Variants in ARHGAP15 observed in about 807,000 individuals in gnomAD.
ARHGAP15 encodes Rho GTPase activating protein 15.
A neutral mutation model predicts 63.7 loss-of-function variants in ARHGAP15; 51 were observed. The observed-to-expected ratio is 0.80, with a 90% confidence interval of 0.64 to 1.01. ARHGAP15 has a LOEUF of 1.01. Among genes scored for constraint, ARHGAP15 ranks in the 50% least tolerant of loss-of-function variants. The pLI is 0.00. For missense variants in ARHGAP15, 560 were observed against 564.6 expected (o/e 0.99, Z 0.08); for synonymous variants, 191 against 193.8 (o/e 0.99, Z 0.12).
chr2:143,680,795 C>A (rs1443312630), intron 12 of ARHGAP15, among the ~76,000 whole-genome samples: 1 of 152,146 alleles, frequency 6.6e-6, no homozygotes, highest in Non-Finnish European at 1.5e-5. Flanking sequence ...ACATAAAAAG[C>A]AACAAAACAG....
Position 143,388,781 on chromosome 2 carries a change from C to T in ARHGAP15, c.475-46820C>T, listed in dbSNP as rs531167887. Reference sequence around the variant, plus strand: ...ATTCCATTAATTTGTAATTTAATTGCGTGTCCAATGTACAGCAGTAACAAT... The same window carrying T: ...ATTCCATTAATTTGTAATTTAATTGTGTGTCCAATGTACAGCAGTAACAAT... On this transcript the variant is annotated intron_variant, in intron 6 of 13. Coordinates refer to ENST00000295095, the MANE Select transcript of ARHGAP15 (RefSeq NM_018460.4). 9.9e-5 allele frequency among the ~76,000 whole-genome samples: 15 copies of T among 152,038 alleles called. No homozygotes were observed. The South Asian group carries it at 1.7e-3, about 17-fold the overall frequency.
At chr2:143,666,008 G>T (rs1480782128) in intron 12 of ARHGAP15, among the ~76,000 whole-genome samples, 1 of 150,718 alleles carries the variant, frequency 6.6e-6, no homozygotes, top group Admixed American at 6.6e-5. Context: ...GTAATTTACA[G>T]ATTCAATGCC....
At chr2:143,468,950 G>A (rs962241889) in intron 8 of ARHGAP15, among the ~76,000 whole-genome samples, 1 of 152,172 alleles carries the variant, frequency 6.6e-6, no homozygotes, top group African/African-American at 2.4e-5. Flanking sequence ...ATGATTTGGA[G>A]AATGCACTGT....
chr2:143,464,491 CATAA>C (rs917131822), intron 8 of ARHGAP15, among the ~76,000 whole-genome samples: 15 of 152,090 alleles, frequency 9.9e-5, no homozygotes, highest in African/African-American at 3.4e-4. Context: ...CCTTAAAAAG[CATAA>C]ATAAATAAAT....
chr2:143,408,968 C>CT (rs1354514507), intron 6 of ARHGAP15, among the ~76,000 whole-genome samples: 1 of 151,746 alleles, frequency 6.6e-6, no homozygotes, highest in African/African-American at 2.4e-5. Context: ...TCCTTTAAAG[C>CT]TTGGATTGAA....
chr2:143,263,892 C>T (rs193238217), intron 6 of ARHGAP15, among the ~76,000 whole-genome samples: 5 of 124,926 alleles, frequency 4.0e-5, no homozygotes, highest in East Asian at 2.8e-4. Context: ...GGTGGGTCTA[C>T]GGTGAAGCTG....
intron 11 of ARHGAP15, among the ~76,000 whole-genome samples, chr2:143,567,365 C>G (rs1696271501): frequency 6.6e-6 from 1 of 152,166 alleles, no homozygotes; most frequent in African/African-American, 2.4e-5. Context: ...AAAGGATAGG[C>G]TCTGATTGAA....
At chr2:143,610,868 ACAGG>A (rs1302771411) in intron 11 of ARHGAP15, among the ~76,000 whole-genome samples, 1 of 152,006 alleles carries the variant, frequency 6.6e-6, no homozygotes, top group Non-Finnish European at 1.5e-5. Context: ...AGCTGGGACT[ACAGG>A]CACGCACCAT....
At chr2:143,275,400 G>A (rs925464529) in intron 6 of ARHGAP15, among the ~76,000 whole-genome samples, 6 of 152,168 alleles carry the variant, frequency 3.9e-5, no homozygotes, top group East Asian at 1.9e-4. Flanking sequence ...AACGTGTTAC[G>A]TTGCTGTCTC....
intron 6 of ARHGAP15, among the ~76,000 whole-genome samples, chr2:143,309,301 C>T (rs1178493866): frequency 1.3e-5 from 2 of 152,012 alleles, no homozygotes; most frequent in South Asian, 4.1e-4. Flanking sequence ...ATACAGATAC[C>T]ATTTGCAGCT....
chr2:143,608,726 A>G (rs1698138630), intron 11 of ARHGAP15: 1 of 152,218 alleles, frequency 6.6e-6, no homozygotes, highest in South Asian at 2.1e-4. Flanking sequence ...ATAACATGCA[A>G]AAAGGTTTGA....
intron 8 of ARHGAP15, among the ~76,000 whole-genome samples, chr2:143,485,023 C>G (rs898954964): frequency 6.6e-6 from 1 of 152,144 alleles, no homozygotes; most frequent in African/African-American, 2.4e-5. Context: ...ACCCTAAGAG[C>G]TGAGGACATC....
intron 8 of ARHGAP15, among the ~76,000 whole-genome samples, chr2:143,476,882 TAAAC>T (rs1195929544): frequency 6.6e-6 from 1 of 152,202 alleles, no homozygotes; most frequent in African/African-American, 2.4e-5. Context: ...GGTGTTATAA[TAAAC>T]AGAGAGGAAG....
rs183823572 is a variant in ARHGAP15, at chr2:143,658,415, T to A, written c.1138+34148T>A. 1.9e-3 allele frequency among the ~76,000 whole-genome samples: 293 copies of A among 152,334 alleles called. 2 individuals carry two copies. Among genetic ancestry groups the A allele is most frequent in the Middle Eastern group, 6.8e-3 (2 of 294 alleles). ...TCTCAGAATTAAACTTTCCTAATTA[T>A]TTTCTCCTGTAAACTACTGAGAGAC... On this transcript the variant is annotated intron_variant, in intron 12 of 13. Transcript: ENST00000295095.
chr2:143,496,740 C>A (rs914721184), intron 9 of ARHGAP15, among the ~76,000 whole-genome samples: 1 of 152,170 alleles, frequency 6.6e-6, no homozygotes, highest in Non-Finnish European at 1.5e-5. Flanking sequence ...CCAGATAATA[C>A]CAGGCTTCAG....
At chr2:143,475,629 CAGGA>C (rs1691778149) in intron 8 of ARHGAP15, among the ~76,000 whole-genome samples, 2 of 152,182 alleles carry the variant, frequency 1.3e-5, no homozygotes, top group South Asian at 4.1e-4. Context: ...GGCCCCAGGC[CAGGA>C]ACCTGTCTTA....
At chr2:143,356,645 G>C (rs921409287) in intron 6 of ARHGAP15, among the ~76,000 whole-genome samples, 29 of 152,080 alleles carry the variant, frequency 1.9e-4, no homozygotes, top group Non-Finnish European at 2.6e-4. Context: ...AGAAGAAAAA[G>C]AAACGCTTAC....
At chr2:143,410,219 A>C (rs1244235261) in intron 6 of ARHGAP15, among the ~76,000 whole-genome samples, 1 of 152,144 alleles carries the variant, frequency 6.6e-6, no homozygotes, top group African/African-American at 2.4e-5. Context: ...ATTCCTTGTA[A>C]TGTGAACATC....
intron 6 of ARHGAP15, among the ~76,000 whole-genome samples, chr2:143,401,018 C>T (rs1047998605): frequency 1.1e-4 from 17 of 151,928 alleles, no homozygotes; most frequent in African/African-American, 3.1e-4. Context: ...AAATCACCAG[C>T]GCCAGGTGCA....
Sources: gnomAD v4.1 joint callset for allele counts (sites outside exome capture counted in the v4.1 genomes callset) on GRCh38, gnomAD v4.1.1 for gene constraint, MANE v1.5 for transcripts, NCBI Gene and HGNC (gene_info 2026-07-23, HGNC 2026-07-21) for gene names.